Variants in EREG observed in about 807,000 individuals in gnomAD.
The protein encoded by EREG is epiregulin, also known as proepiregulin.
Under a neutral mutation model 22.4 loss-of-function variants are expected in EREG, and 23 were observed. The observed-to-expected ratio is 1.03, with a 90% CI of 0.74 to 1.46. The LOEUF (loss-of-function observed/expected upper bound fraction) is 1.46, where lower values mean the gene tolerates loss of function less well. Ranked by LOEUF, EREG falls within the 40% of genes most tolerant of loss-of-function variation. The pLI, the probability that EREG is intolerant of heterozygous loss-of-function variation, is 0.00. For missense variants in EREG, 226 were observed against 205.9 expected (o/e 1.10, Z -0.60); for synonymous variants, 100 against 75.4 (o/e 1.33, Z -1.69).
In EREG at chr4:74,384,956, T is replaced by A. The variant is rs1336854862; in HGVS notation, c.*148T>A. 6 of 528,134 alleles carry A rather than the reference T, an allele frequency of 1.1e-5. No homozygotes were observed. Among genetic ancestry groups the A allele is most frequent in the Non-Finnish European group, 2.1e-5 (6 of 292,316 alleles). 32.7% of individuals were successfully genotyped at this position (528,134 alleles called of 1,614,324 possible). On this transcript the variant is annotated 3_prime_UTR_variant, in exon 5 of 5. Transcript: ENST00000244869. Reference sequence around the variant, plus strand: ...CTTGAAAAATGTTTTTATTTTTGTTTTATTTTTGACAGACTATTTGCTAAT... The same window carrying A: ...CTTGAAAAATGTTTTTATTTTTGTTATATTTTTGACAGACTATTTGCTAAT...
chr4:74,366,011 T>C (rs1017318454), intron 1 of EREG, among the ~76,000 whole-genome samples: 4 of 151,978 alleles, frequency 2.6e-5, no homozygotes, highest in Admixed American at 2.0e-4. Context: ...GCTGCTTGCG[T>C]TTTTCCCTGC....
In EREG at chr4:74,381,055, A is replaced by G. The variant is rs1355159653; in HGVS notation, c.196A>G (p.Thr66Ala). ...DNPRVAQVSI[T>A]KCSSDMNGYC... ...TCCACGTGTGGCTCAAGTGTCAATA[A>G]CAAAGTGTAGCTCTGACATGAATGG... The change falls in exon 3 of 5, where the codon ACA (threonine) becomes GCA (alanine). Residue 66 changes from threonine to alanine, a missense_variant. Coordinates refer to ENST00000244869, the MANE Select transcript of EREG (RefSeq NM_001432.3). The G allele has an allele frequency of 1.2e-6, 2 of 1,613,908 alleles. No individual in the cohort carries two copies. Among genetic ancestry groups the G allele is most frequent in the South Asian group, 1.1e-5 (1 of 91,032 alleles).
Position 74,386,346 on chromosome 4 carries a change from T to C in EREG, c.*1538T>C, listed in dbSNP as rs1355398381. On this transcript the variant is annotated 3_prime_UTR_variant, in exon 5 of 5. Coordinates refer to ENST00000244869, the MANE Select transcript of EREG (RefSeq NM_001432.3). ...CACCAGGTGCCAGGACTTGTCTCCA[T>C]GTGTATCCATGCATTATATACCCTG... 6.6e-6 allele frequency: 1 copy of C among 152,546 alleles called. No homozygotes were observed. The highest frequency in any genetic ancestry group is 1.9e-4 in the East Asian group (1 of 5,202). The allele number at this position is 152,546 out of a possible 1,614,324, so 9.4% of individuals were successfully genotyped here. A position where few individuals can be genotyped will look rare whatever the true frequency, so the allele number is the denominator to read the frequency against.
chr4:74,375,183 A>G (rs1455989395), intron 1 of EREG, among the ~76,000 whole-genome samples: 1 of 152,188 alleles, frequency 6.6e-6, no homozygotes, highest in Non-Finnish European at 1.5e-5. Flanking sequence ...TTGAGGTCCA[A>G]TCATAGAGAA....
intron 1 of EREG, among the ~76,000 whole-genome samples, chr4:74,375,016 G>C (rs1408789382): frequency 6.6e-6 from 1 of 152,150 alleles, no homozygotes; most frequent in East Asian, 1.9e-4. Flanking sequence ...CACCTGGCAA[G>C]AAATTCCTCT....
At position 74,388,522 on chromosome 4, in the gene EREG, G is replaced by A. The variant is rs1752609829; in HGVS notation, c.*3714G>A. The A allele has an allele frequency of 6.6e-6, 1 of 152,544 alleles. No homozygotes were observed. Among genetic ancestry groups the A allele is most frequent in the African/African-American group, 2.4e-5 (1 of 41,428 alleles). 9.4% of individuals were successfully genotyped at this position (152,544 alleles called of 1,614,324 possible). A position where few individuals can be genotyped will look rare whatever the true frequency, so the allele number is the denominator to read the frequency against. ...TATTAAAGATGCTATGGAACATAAA[G>A]TTGTATTGCATGCAATTTGAAGTAA... On this transcript the variant is annotated 3_prime_UTR_variant, in exon 5 of 5. Coordinates refer to ENST00000244869, the MANE Select transcript of EREG (RefSeq NM_001432.3).
intron 2 of EREG, among the ~76,000 whole-genome samples, 187 bp downstream of exon 2, chr4:74,379,721 G>A (rs1248085760): frequency 6.6e-6 from 1 of 152,164 alleles, no homozygotes; most frequent in East Asian, 1.9e-4. Flanking sequence ...TGGTAGGAGA[G>A]GGACCGGATA....
In EREG at chr4:74,382,499, C is replaced by T. The variant is rs369622225; in HGVS notation, c.279-146C>T. 3.3e-5 allele frequency: 20 copies of T among 603,522 alleles called. No individual in the cohort carries two copies. The East Asian group carries it at 5.0e-4, about 15-fold the overall frequency. 37.4% of individuals were successfully genotyped at this position (603,522 alleles called of 1,614,324 possible). A position where few individuals can be genotyped will look rare whatever the true frequency, so the allele number is the denominator to read the frequency against. ...CCCTTTTATCATTACTGGTCTAACTCAATCTTTGAAATCCTCTTTACAATC... is the reference window on the plus strand; with the variant it reads ...CCCTTTTATCATTACTGGTCTAACTTAATCTTTGAAATCCTCTTTACAATC... On this transcript the variant is annotated intron_variant, in intron 3 of 4. Transcript: ENST00000244869.
In EREG at chr4:74,373,751, T is replaced by TACAC. The variant is rs138641027; in HGVS notation, c.68-5677_68-5674dup. ...ATATACGTGTGCGTATATATATCTA[T>TACAC]ACACACACACACACACACACACATA... On this transcript the variant is annotated intron_variant, in intron 1 of 4. Coordinates refer to ENST00000244869, the MANE Select transcript of EREG (RefSeq NM_001432.3). Among the ~76,000 whole-genome samples, 276 of 147,156 alleles carry TACAC rather than the reference T, an allele frequency of 1.9e-3. 2 individuals are homozygous for TACAC. Among genetic ancestry groups the TACAC allele is most frequent in the African/African-American group, 5.5e-3 (220 of 40,326 alleles).
chr4:74,368,223 C>T (rs961140790), intron 1 of EREG, among the ~76,000 whole-genome samples: 1 of 152,156 alleles, frequency 6.6e-6, no homozygotes, highest in Non-Finnish European at 1.5e-5. Flanking sequence ...TGACTCTGTG[C>T]AAAATCAGGC....
chr4:74,378,100 C>A (rs1752412688), intron 1 of EREG, among the ~76,000 whole-genome samples: 1 of 152,210 alleles, frequency 6.6e-6, no homozygotes. Context: ...TACTTAGCTA[C>A]TTCAACGAAA....
At position 74,368,174 on chromosome 4, in the gene EREG, A is replaced by T. The variant is rs72859323; in HGVS notation, c.67+2799A>T. 4.5e-3 allele frequency among the ~76,000 whole-genome samples: 691 copies of T among 152,150 alleles called. 4 individuals are homozygous for T. The highest frequency in any genetic ancestry group is 0.016 in the African/African-American group (664 of 41,510). On this transcript the variant is annotated intron_variant, in intron 1 of 4. Coordinates refer to ENST00000244869, the MANE Select transcript of EREG (RefSeq NM_001432.3). ...TAGCTGGGGCTGCTCCAGGGTTCAGACCCTCTCATAGGCACAGCACATGTA... is the reference window on the plus strand; with the variant it reads ...TAGCTGGGGCTGCTCCAGGGTTCAGTCCCTCTCATAGGCACAGCACATGTA...
chr4:74,381,834 AAT>A (rs1752480194), intron 3 of EREG: 2 of 148,334 alleles, frequency 1.3e-5, no homozygotes, highest in Non-Finnish European at 2.9e-5. Context: ...AAAAAAAAAA[AAT>A]TAGCCAGGGG....
intron 2 of EREG, among the ~76,000 whole-genome samples, 165 bp downstream of exon 2, chr4:74,379,699 T>C (rs1269876694): frequency 2.0e-5 from 3 of 152,204 alleles, no homozygotes; most frequent in Non-Finnish European, 4.4e-5. Flanking sequence ...AAAAATTATA[T>C]AAAGGAATAA....
intron 1 of EREG, among the ~76,000 whole-genome samples, chr4:74,371,556 TG>T (rs1404902746): frequency 1.3e-5 from 2 of 152,222 alleles, no homozygotes; most frequent in Non-Finnish European, 2.9e-5. Flanking sequence ...CTCTACCACC[TG>T]TTTCTCAAAG....
At chr4:74,374,469 C>T (rs1276414297) in intron 1 of EREG, among the ~76,000 whole-genome samples, 2 of 152,038 alleles carry the variant, frequency 1.3e-5, no homozygotes, top group Non-Finnish European at 2.9e-5. Context: ...CCCAGGGATT[C>T]GAGGCTGCAG....
At position 74,379,803 on chromosome 4, in the gene EREG, G is replaced by A. The variant is rs79727217; in HGVS notation, c.154+269G>A. On this transcript the variant is annotated intron_variant, in intron 2 of 4. Transcript: ENST00000244869. Reference sequence around the variant, plus strand: ...ACAAAAAATTGCATTCCCTTTGGCCGTCTCCTGGCACTTTACTGCGAAACA... The same window carrying A: ...ACAAAAAATTGCATTCCCTTTGGCCATCTCCTGGCACTTTACTGCGAAACA... 1.9e-4 allele frequency among the ~76,000 whole-genome samples: 29 copies of A among 152,240 alleles called. No individual in the cohort carries two copies. In the East Asian group the frequency reaches 5.0e-3, roughly 26 times the overall value.
chr4:74,378,590 T>C (rs1480784627), intron 1 of EREG, among the ~76,000 whole-genome samples: 1 of 152,214 alleles, frequency 6.6e-6, no homozygotes, highest in Non-Finnish European at 1.5e-5. Flanking sequence ...CCACCATTAG[T>C]ATTTACTATA....
At chr4:74,372,055 A>G (rs1292454323) in intron 1 of EREG, among the ~76,000 whole-genome samples, 1 of 152,174 alleles carries the variant, frequency 6.6e-6, no homozygotes, top group Non-Finnish European at 1.5e-5. Flanking sequence ...ACATTATTTG[A>G]CAAATGTAGT....
Sources: allele counts gnomAD v4.1 joint callset (sites outside exome capture counted in the v4.1 genomes callset), GRCh38; gene constraint gnomAD v4.1.1; transcripts MANE v1.5; gene names NCBI Gene and HGNC (gene_info 2026-07-23, HGNC 2026-07-21).